RINT1: variants seen among roughly 807,000 people sequenced by gnomAD.
The protein encoded by RINT1 is RAD50-interacting protein 1.
A neutral mutation model predicts 97.7 loss-of-function variants in RINT1; 75 were observed. The observed-to-expected ratio is 0.77, with a 90% CI of 0.64 to 0.93. RINT1 has a LOEUF of 0.93. Ranked by LOEUF, RINT1 falls within the 40% of genes least tolerant of loss-of-function variation. The probability of loss-of-function intolerance (pLI) is 0.00; values close to 1 mark genes in which losing one functional copy is unlikely to be tolerated. For missense variants in RINT1, 892 were observed against 925.2 expected (o/e 0.96, Z 0.47); for synonymous variants, 303 against 326.3 (o/e 0.93, Z 0.77).
intron 3 of RINT1, among the ~76,000 whole-genome samples, chr7:105,537,636 C>T (rs1299245820): frequency 1.3e-5 from 2 of 151,502 alleles, no homozygotes; most frequent in Non-Finnish European, 2.9e-5. Context: ...TTGAGACCAG[C>T]CTGACCCACA....
chr7:105,541,488 G>T (rs1025787210), intron 3 of RINT1: 2 of 151,406 alleles, frequency 1.3e-5, no homozygotes, highest in East Asian at 4.0e-4. Context: ...GTATTAATAA[G>T]TTTTCTCGGC....
intron 4 of RINT1, among the ~76,000 whole-genome samples, chr7:105,543,482 G>T (rs1586228627): frequency 6.6e-6 from 1 of 152,242 alleles, no homozygotes; most frequent in South Asian, 2.1e-4. Flanking sequence ...CCTATCACTG[G>T]TAGTTAATTG....
chr7:105,554,269 G>A lies in RINT1; in HGVS notation c.1472-759G>A, dbSNP rs553382822. Among the ~76,000 whole-genome samples, 10 of 151,610 alleles carry A rather than the reference G, an allele frequency of 6.6e-5. No homozygotes were observed. In the East Asian group the frequency reaches 1.6e-3, roughly 24 times the overall value. On this transcript the variant is annotated intron_variant, in intron 10 of 14. Transcript: ENST00000257700. ...AGGATGGTCTTGATCTCCTGACCTC[G>A]TGATCCACCCACCTCGGCCTCCCAA...
intron 2 of RINT1, among the ~76,000 whole-genome samples, chr7:105,536,145 T>G (rs1407361991): frequency 3.9e-5 from 6 of 152,070 alleles, no homozygotes; most frequent in Admixed American, 2.0e-4. Flanking sequence ...CAGGCTGGAG[T>G]GCAGTGGCGC....
intron 11 of RINT1, among the ~76,000 whole-genome samples, chr7:105,559,005 T>C (rs1013323787): frequency 6.6e-6 from 1 of 152,122 alleles, no homozygotes; most frequent in Non-Finnish European, 1.5e-5. Flanking sequence ...ACGTATAATC[T>C]CATGCTGAAT....
chr7:105,540,118 G>A (rs1413130884), intron 3 of RINT1, among the ~76,000 whole-genome samples: 3 of 139,618 alleles, frequency 2.1e-5, no homozygotes, highest in Non-Finnish European at 3.0e-5. Flanking sequence ...TTCCTCTGTC[G>A]CCCAGGCTGG....
intron 3 of RINT1, among the ~76,000 whole-genome samples, chr7:105,541,090 G>C (rs1490684572): frequency 6.7e-6 from 1 of 148,168 alleles, no homozygotes; most frequent in Non-Finnish European, 1.5e-5. Context: ...CACCCACCTT[G>C]GCCTCCCAAA....
chr7:105,558,964 A>C (rs1050402197), intron 11 of RINT1, among the ~76,000 whole-genome samples: 1 of 152,102 alleles, frequency 6.6e-6, no homozygotes. Flanking sequence ...AAAAAGAAAG[A>C]TGAATTAGCC....
In RINT1 at chr7:105,552,666, C is replaced by CTTTTTT. The variant is rs386410906; in HGVS notation, c.1471+979_1471+984dup. Among the ~76,000 whole-genome samples, 210 of 80,036 alleles carry CTTTTTT rather than the reference C, an allele frequency of 2.6e-3. 8 individuals carry two copies. The highest frequency in any genetic ancestry group is 3.3e-3 in the Non-Finnish European group (145 of 43,454). The allele number at this position is 80,036 out of a possible 152,430, so 52.5% of individuals were successfully genotyped here. On this transcript the variant is annotated intron_variant, in intron 10 of 14. Transcript: ENST00000257700. ...TTCCAGCCCAGTCAGTAAATAATTCCTTTTTTTTTTTTTTTTTTTTTTTTT... is the reference window on the plus strand; with the variant it reads ...TTCCAGCCCAGTCAGTAAATAATTCCTTTTTTTTTTTTTTTTTTTTTTTTTTTTTTT...
chr7:105,539,517 C>T (rs566293141), intron 3 of RINT1, among the ~76,000 whole-genome samples: 7 of 152,254 alleles, frequency 4.6e-5, no homozygotes, highest in East Asian at 1.9e-4. Context: ...TGTGCCACCA[C>T]GCTCGGCTAA....
chr7:105,545,366 C>T (rs1407148928), intron 4 of RINT1, among the ~76,000 whole-genome samples: 2 of 150,120 alleles, frequency 1.3e-5, no homozygotes, highest in African/African-American at 2.5e-5. Flanking sequence ...GTAGGAGGAT[C>T]GCTTGAGCCC....
At chr7:105,550,240 C>T (rs1426999867) in intron 8 of RINT1, 21 bp from the exon 9 acceptor site, 6 of 1,610,232 alleles carry the variant, frequency 3.7e-6, no homozygotes, top group Non-Finnish European at 5.1e-6. Flanking sequence ...TTACATACCT[C>T]ATGTTTGTGT....
chr7:105,544,786 G>C (rs1025359567), intron 4 of RINT1, among the ~76,000 whole-genome samples: 4 of 152,144 alleles, frequency 2.6e-5, no homozygotes, highest in South Asian at 2.1e-4. Context: ...TATGCCGAGG[G>C]ATTTATATTA....
chr7:105,561,419 T>C (rs1791430833), intron 11 of RINT1, among the ~76,000 whole-genome samples: 1 of 151,890 alleles, frequency 6.6e-6, no homozygotes, highest in Admixed American at 6.6e-5. Flanking sequence ...TCCCAGCTAC[T>C]CGGGAGGCTG....
At chr7:105,557,391 A>C (rs1791226979) in intron 11 of RINT1, among the ~76,000 whole-genome samples, 1 of 152,156 alleles carries the variant, frequency 6.6e-6, no homozygotes, top group Non-Finnish European at 1.5e-5. Flanking sequence ...CACAATTTTC[A>C]AGTGTGTCCA....
At chr7:105,564,813 C>T (rs1341971289) in intron 12 of RINT1, among the ~76,000 whole-genome samples, 1 of 152,098 alleles carries the variant, frequency 6.6e-6, no homozygotes, top group African/African-American at 2.4e-5. Flanking sequence ...CTAGCCTGGC[C>T]AACATGGCGA....
chr7:105,545,052 A>G (rs1051321914), intron 4 of RINT1, among the ~76,000 whole-genome samples: 4 of 152,082 alleles, frequency 2.6e-5, no homozygotes, highest in African/African-American at 9.7e-5. Flanking sequence ...ATACTATAGT[A>G]TAGCACTATC....
At chr7:105,548,438 A>G in intron 6 of RINT1, 116 bp from the exon 7 acceptor site, 1 of 847,564 alleles carries the variant, frequency 1.2e-6, no homozygotes, top group Non-Finnish European at 2.0e-6. Flanking sequence ...ATCATAATTA[A>G]CTCTACTGAG....
In RINT1 at chr7:105,565,641, T is replaced by C. The variant is rs539601125; in HGVS notation, c.2179T>C (p.Phe727Leu). The change falls in exon 14 of 15, where the codon TTT becomes CTT. Residue 727 changes from phenylalanine to leucine, a missense_variant. Coordinates refer to ENST00000257700, the MANE Select transcript of RINT1 (RefSeq NM_021930.6). Reference protein sequence around the residue: ...SHYCKRPENYFKHIKEACIVL... With the variant: ...SHYCKRPENYLKHIKEACIVL... Reference sequence around the variant, plus strand: ...CTATTGCAAGAGACCAGAAAATTATTTTAAACAGTAAGCTCAACATTTAAC... The same window carrying C: ...CTATTGCAAGAGACCAGAAAATTATCTTAAACAGTAAGCTCAACATTTAAC... The C allele has an allele frequency of 2.2e-5, 35 of 1,583,216 alleles. No individual in the cohort carries two copies. In the South Asian group the frequency reaches 3.2e-4, roughly 15 times the overall value.
Sources: allele counts gnomAD v4.1 joint callset (sites outside exome capture counted in the v4.1 genomes callset), GRCh38; gene constraint gnomAD v4.1.1; transcripts MANE v1.5; gene names NCBI Gene and HGNC (gene_info 2026-07-23, HGNC 2026-07-21).